The following CCNJL variants were observed in gnomAD, a reference collection of about 807,000 sequenced individuals.
CCNJL encodes the protein cyclin-J-like protein.
Under a neutral mutation model 33.4 loss-of-function variants are expected in CCNJL, and 33 were observed. That is an observed-to-expected ratio of 0.99 (90% CI 0.75 to 1.32). CCNJL has a LOEUF of 1.32. CCNJL is among the 40% of genes most tolerant of loss of function. CCNJL has a pLI of 0.00. For missense variants in CCNJL, 512 were observed against 499.7 expected (o/e 1.02, Z -0.23); for synonymous variants, 227 against 220.9 (o/e 1.03, Z -0.24).
intron 2 of CCNJL, among the ~76,000 whole-genome samples, chr5:160,289,235 C>A (rs1362815550): frequency 1.3e-5 from 2 of 152,204 alleles, no homozygotes; most frequent in Admixed American, 1.3e-4. Flanking sequence ...CCCTGCCCCC[C>A]ACAGAAGGGG....
chr5:160,320,850 C>CCTTCTTTCTTTCT (rs1763439163), intron 1 of CCNJL, among the ~76,000 whole-genome samples: 239 of 55,528 alleles, frequency 4.3e-3, no homozygotes, highest in Non-Finnish European at 7.3e-3. Flanking sequence ...TCTTTCTTTC[C>CCTTCTTTCTTTCT]TTCTTTCTTT....
At chr5:160,318,652 C>T (rs1180503561) in intron 1 of CCNJL, among the ~76,000 whole-genome samples, 1 of 152,222 alleles carries the variant, frequency 6.6e-6, no homozygotes, top group Non-Finnish European at 1.5e-5. Flanking sequence ...TCAGCTCTTC[C>T]TTACTCATTA....
chr5:160,320,836 T>TCTTC (rs1763437327), intron 1 of CCNJL, among the ~76,000 whole-genome samples: 1 of 118,444 alleles, frequency 8.4e-6, no homozygotes, highest in Non-Finnish European at 1.9e-5. Flanking sequence ...TTTCTTTCTT[T>TCTTC]CTTTCTTTCT....
chr5:160,276,707 G>A (rs1044621943), intron 3 of CCNJL, among the ~76,000 whole-genome samples: 2 of 152,118 alleles, frequency 1.3e-5, no homozygotes, highest in Non-Finnish European at 2.9e-5. Flanking sequence ...GAGCGTGAAG[G>A]TGCTAAACAC....
chr5:160,306,528 C>T (rs1178971674), intron 2 of CCNJL, among the ~76,000 whole-genome samples: 9 of 152,152 alleles, frequency 5.9e-5, no homozygotes, highest in Non-Finnish European at 1.3e-4. Context: ...GTTACCAGCT[C>T]ATGTCAAGCA....
chr5:160,265,497 G>T (rs1278327247), intron 3 of CCNJL, among the ~76,000 whole-genome samples: 2 of 152,014 alleles, frequency 1.3e-5, no homozygotes, highest in Non-Finnish European at 2.9e-5. Flanking sequence ...AATTACCCAG[G>T]TGTGGTAGTG....
rs116505478 is a variant in CCNJL at position 160,329,992 on chromosome 5, C to T, written n.206+9453G>A. On this transcript the variant is annotated intron_variant and non_coding_transcript_variant, in intron 1 of 7. Coordinates refer to the CCNJL transcript ENST00000377503. The stretch of plus-strand genomic sequence containing the variant: ...CACCCCTGCCTCTTTCCAACACAGA[C>T]TCATCACCATGACCTGCCTTGAGAC... 6.7e-3 allele frequency among the ~76,000 whole-genome samples: 1,025 copies of T among 152,298 alleles called. 11 individuals carry two copies. Among genetic ancestry groups the T allele is most frequent in the African/African-American group, 0.024 (981 of 41,558 alleles).
chr5:160,280,367 T>C (rs1762164393), intron 3 of CCNJL, among the ~76,000 whole-genome samples, 158 bp downstream of exon 3: 1 of 152,204 alleles, frequency 6.6e-6, no homozygotes, highest in South Asian at 2.1e-4. Context: ...CTAAAAAATG[T>C]TGCATCTAAA....
chr5:160,283,220 T>C (rs1213276325), intron 2 of CCNJL, among the ~76,000 whole-genome samples: 1 of 151,492 alleles, frequency 6.6e-6, no homozygotes, highest in Non-Finnish European at 1.5e-5. Context: ...GAAAACATTA[T>C]GTTAAGTGAA....
chr5:160,259,080 C>G (rs773727804), intron 4 of CCNJL, among the ~76,000 whole-genome samples: 1 of 152,202 alleles, frequency 6.6e-6, no homozygotes, highest in Non-Finnish European at 1.5e-5. Flanking sequence ...AACAGGGTAA[C>G]TTTTATTGCT....
intron 2 of CCNJL, among the ~76,000 whole-genome samples, chr5:160,295,919 G>A (rs777507429): frequency 1.3e-5 from 2 of 152,126 alleles, no homozygotes; most frequent in African/African-American, 4.8e-5. Context: ...CTGTCTCACC[G>A]AATCAGAATT....
At chr5:160,292,481 C>A (rs1561796791) in intron 2 of CCNJL, among the ~76,000 whole-genome samples, 1 of 152,064 alleles carries the variant, frequency 6.6e-6, no homozygotes, top group African/African-American at 2.4e-5. Flanking sequence ...ATTAGCCGGG[C>A]ATGGTGGTGA....
chr5:160,303,523 C>CAAA (rs35657484), intron 2 of CCNJL, among the ~76,000 whole-genome samples: 6 of 128,192 alleles, frequency 4.7e-5, no homozygotes, highest in African/African-American at 1.8e-4. Flanking sequence ...TCCATTTTTA[C>CAAA]AAAAAAAAAA....
chr5:160,282,997 A>ATATG (rs1187983959), intron 2 of CCNJL, among the ~76,000 whole-genome samples: 7 of 58,272 alleles, frequency 1.2e-4, no homozygotes, highest in Non-Finnish European at 1.9e-4. Context: ...ATATATATAT[A>ATATG]TATATATATA....
intron 5 of CCNJL, chr5:160,254,564 T>C: frequency 2.4e-6 from 1 of 424,680 alleles, no homozygotes; most frequent in Non-Finnish European, 4.1e-6. Context: ...GAGGGCTCTC[T>C]TCAGGGGTCT....
intron 2 of CCNJL, among the ~76,000 whole-genome samples, chr5:160,283,055 C>G (rs1360263643): frequency 7.5e-6 from 1 of 132,742 alleles, no homozygotes; most frequent in African/African-American, 2.8e-5. Context: ...CATATGGCCA[C>G]ACAAAAACTT....
upstream of CCNJL, chr5:160,315,406 C>T (rs935329945): frequency 2.3e-6 from 1 of 439,518 alleles, no homozygotes; most frequent in East Asian, 7.2e-5. Flanking sequence ...GCTCAGAAAG[C>T]TGAAATAGAA....
chr5:160,291,327 C>A (rs1762578195), intron 2 of CCNJL, among the ~76,000 whole-genome samples: 1 of 152,134 alleles, frequency 6.6e-6, no homozygotes, highest in Non-Finnish European at 1.5e-5. Flanking sequence ...CCAAGATATG[C>A]TCCCTGAAAA....
chr5:160,269,546 T>C (rs1761748188), intron 3 of CCNJL: 1 of 453,926 alleles, frequency 2.2e-6, no homozygotes, highest in Non-Finnish European at 4.4e-6. Flanking sequence ...TGTTCCGACC[T>C]ATGCGGGGAA....
Sources: allele counts gnomAD v4.1 joint callset (sites outside exome capture counted in the v4.1 genomes callset), GRCh38; gene constraint gnomAD v4.1.1; transcripts MANE v1.5; gene names NCBI Gene and HGNC (gene_info 2026-07-23, HGNC 2026-07-21).